OLFM2: variants seen among roughly 807,000 people sequenced by gnomAD.
OLFM2 encodes olfactomedin 2.
In OLFM2, 20 loss-of-function variants were observed where a neutral mutation model predicts 43.9. The ratio of observed to expected loss-of-function variants is 0.46; its 90% confidence interval spans 0.32 to 0.66. OLFM2 has a LOEUF of 0.66. OLFM2 is among the 30% of genes least tolerant of loss of function. OLFM2 has a pLI of 0.04. For missense variants in OLFM2, 416 were observed against 643.6 expected, an observed-to-expected ratio of 0.65 and a Z score of 3.83; for synonymous variants, 268 against 278.6, an observed-to-expected ratio of 0.96 and a Z score of 0.38.
At chr19:9,870,826 T>C (rs547736746) in intron 1 of OLFM2, among the ~76,000 whole-genome samples, 1 of 152,154 alleles carries the variant, frequency 6.6e-6, no homozygotes, top group Non-Finnish European at 1.5e-5. Flanking sequence ...TGAGCTGAGA[T>C]TGCACCATTG....
intron 1 of OLFM2, among the ~76,000 whole-genome samples, chr19:9,914,696 C>A (rs2046861034): frequency 6.6e-6 from 1 of 152,062 alleles, no homozygotes; most frequent in Non-Finnish European, 1.5e-5. Flanking sequence ...CTCGGGGGAG[C>A]GGGAAGCGCA....
chr19:9,857,909 C>T lies in OLFM2; in HGVS notation c.214-48G>A, dbSNP rs1473066453. 1 of 1,612,120 alleles carries T rather than the reference C, an allele frequency of 6.2e-7. No homozygotes were observed. On this transcript the variant is annotated intron_variant, in intron 2 of 5. Transcript: ENST00000264833. The surrounding 1 kb of genome is among the most constrained non-coding windows in gnomAD (Gnocchi z 5.7). The stretch of plus-strand genomic sequence containing the variant: ...GGACCAGACCTCCTTCCCCAAATCC[C>T]AACCCAGAGATGCCACAGACAAGAG...
Position 9,936,451 on chromosome 19 carries a change from C to G in OLFM2, c.-85G>C, listed in dbSNP as rs1331442299. ...GACCGCCACCAGGCGCGACCCCGCC[C>G]GCCCGGCCGGGGCGACCCTGCGCCG... On this transcript the variant is annotated 5_prime_UTR_variant, in exon 1 of 6. Coordinates refer to ENST00000264833, the MANE Select transcript of OLFM2 (RefSeq NM_058164.4). The G allele has an allele frequency of 6.0e-6, 6 of 1,002,348 alleles. No homozygotes were observed. Among genetic ancestry groups the G allele is most frequent in the Non-Finnish European group, 4.8e-6 (4 of 836,312 alleles). The allele number at this position is 1,002,348 out of a possible 1,614,324, so 62.1% of individuals were successfully genotyped here. A position where few individuals can be genotyped will look rare whatever the true frequency, so the allele number is the denominator to read the frequency against.
rs530155234 is a variant in OLFM2, at chr19:9,917,126, T to G, written c.63+19178A>C. ...CAGGACCTTTGAACTTCCTGTTCCT[T>G]CTACACAAAATACATCAAGGATGCC... On this transcript the variant is annotated intron_variant, in intron 1 of 5. Coordinates refer to ENST00000264833, the MANE Select transcript of OLFM2 (RefSeq NM_058164.4). Among the ~76,000 whole-genome samples the G allele has an allele frequency of 8.6e-4, 131 of 152,276 alleles. 1 individual carries two copies. Among genetic ancestry groups the G allele is most frequent in the African/African-American group, 3.0e-3 (123 of 41,574 alleles).
intron 1 of OLFM2, among the ~76,000 whole-genome samples, chr19:9,930,411 C>T (rs933387946): frequency 6.6e-6 from 1 of 152,120 alleles, no homozygotes; most frequent in Non-Finnish European, 1.5e-5. Flanking sequence ...TGTACTATAG[C>T]TGAACTCTGT....
At chr19:9,933,314 G>A (rs183823644) in intron 1 of OLFM2, among the ~76,000 whole-genome samples, 1 of 152,182 alleles carries the variant, frequency 6.6e-6, no homozygotes, top group African/African-American at 2.4e-5. Flanking sequence ...TTGGCTCACT[G>A]GAACCTCTGC....
intron 1 of OLFM2, chr19:9,913,715 G>A: frequency 9.4e-7 from 1 of 1,065,612 alleles, no homozygotes; most frequent in Non-Finnish European, 1.1e-6. Context: ...GCCCCGGGGG[G>A]GCGTGGGGGA....
intron 1 of OLFM2, among the ~76,000 whole-genome samples, chr19:9,901,149 A>T (rs2144977553): frequency 6.6e-6 from 1 of 150,466 alleles, no homozygotes; most frequent in South Asian, 2.1e-4. Context: ...AGAAAGAAGG[A>T]AAGAAAAAGA....
At chr19:9,864,426 G>A (rs1179370082) in intron 1 of OLFM2, among the ~76,000 whole-genome samples, 3 of 151,690 alleles carry the variant, frequency 2.0e-5, no homozygotes, top group South Asian at 2.1e-4. Context: ...TCAGCCTCCC[G>A]AGTAGCTAGG....
At chr19:9,926,505 T>G (rs7260243) in intron 1 of OLFM2, among the ~76,000 whole-genome samples, 11,971 of 152,050 alleles carry the variant, frequency 0.079, 1,505 homozygotes, top group African/African-American at 0.27. Context: ...TGAGCTGAGA[T>G]CGCGCCACTG....
intron 1 of OLFM2, among the ~76,000 whole-genome samples, chr19:9,901,032 AAGCGGGGAGGGAG>A (rs2046732335): frequency 2.4e-5 from 1 of 42,118 alleles, no homozygotes; most frequent in African/African-American, 1.1e-4. Context: ...GGAGGGAAGG[AAGCGGGGAGGGAG>A]GGAAGGGAGG....
intron 1 of OLFM2, chr19:9,913,638 C>T: frequency 1.6e-6 from 2 of 1,255,430 alleles, no homozygotes; most frequent in Non-Finnish European, 2.0e-6. Context: ...CCTCATGCCC[C>T]GCGGCCGCCC....
chr19:9,906,314 G>A (rs2046785722), intron 1 of OLFM2, among the ~76,000 whole-genome samples: 1 of 152,106 alleles, frequency 6.6e-6, no homozygotes, highest in South Asian at 2.1e-4. Context: ...TGGGGGAGAG[G>A]GCAGGGGAAG....
At chr19:9,918,867 G>C (rs2086401868) in intron 1 of OLFM2, among the ~76,000 whole-genome samples, 1 of 152,168 alleles carries the variant, frequency 6.6e-6, no homozygotes, top group African/African-American at 2.4e-5. Flanking sequence ...GTGGGGGTGG[G>C]AGTGGAGATG....
chr19:9,857,268 T>C lies in OLFM2; in HGVS notation c.575A>G (p.Lys192Arg). 1.2e-6 allele frequency: 2 copies of C among 1,613,874 alleles called. No homozygotes were observed. Among genetic ancestry groups the C allele is most frequent in the Non-Finnish European group, 8.5e-7 (1 of 1,179,992 alleles). Residue 192 changes from lysine (K) to arginine (R), a missense_variant, in exon 4 of 6, where the codon AAG becomes AGG. By Grantham distance (26) the Lys-to-Arg change is conservative (BLOSUM62 2). Transcript: ENST00000264833. This position sits in a 1 kb window ranked among gnomAD's most constrained non-coding sequence, Gnocchi z 5.7. ...GGTCAAGGGCCAAGGCATACCCAGC[T>C]TCTGGGCGCAGGCGTGGAGCCGGGC... ...LEARLHACAQ[K>R]LGCGKLTGVS... is the part of the protein sequence containing the mutation.
chr19:9,898,406 C>T (rs1233875258), intron 1 of OLFM2, among the ~76,000 whole-genome samples: 1 of 151,648 alleles, frequency 6.6e-6, no homozygotes, highest in African/African-American at 2.4e-5. Flanking sequence ...CCTGTAATCC[C>T]AGCTACTTAG....
At chr19:9,910,456 C>T (rs1365764145) in intron 1 of OLFM2, among the ~76,000 whole-genome samples, 1 of 152,116 alleles carries the variant, frequency 6.6e-6, no homozygotes, top group Non-Finnish European at 1.5e-5. Context: ...ACTGGTGGCT[C>T]ATGCCTGTAA....
chr19:9,921,633 C>T (rs933220215), intron 1 of OLFM2, among the ~76,000 whole-genome samples: 4 of 152,004 alleles, frequency 2.6e-5, no homozygotes, highest in Non-Finnish European at 4.4e-5. Context: ...GGACTACAGG[C>T]GCCCGCCACC....
Position 9,857,769 on chromosome 19 carries a change from G to T in OLFM2, c.306C>A (p.Ser102Arg). 1 of 1,614,116 alleles carries T rather than the reference G, an allele frequency of 6.2e-7. No individual in the cohort carries two copies. ...YVRGMETLMR[S>R]LDARLRAADG... Reference sequence around the variant, plus strand: ...CAGCTGCCCGGAGCCGCGCATCCAGGCTCCGCATGAGGGTCTCCATGCCGC... The same window carrying T: ...CAGCTGCCCGGAGCCGCGCATCCAGTCTCCGCATGAGGGTCTCCATGCCGC... Residue 102 changes from serine to arginine, a missense_variant, in exon 3 of 6, where the codon AGC (serine) becomes AGA (arginine). Physicochemically the swap from Ser to Arg is moderately radical, Grantham distance 110. Coordinates refer to ENST00000264833, the MANE Select transcript of OLFM2 (RefSeq NM_058164.4). The surrounding 1 kb of genome is among the most constrained non-coding windows in gnomAD (Gnocchi z 5.7).
Sources: allele counts gnomAD v4.1 joint callset (sites outside exome capture counted in the v4.1 genomes callset), GRCh38; gene constraint gnomAD v4.1.1; non-coding constraint Gnocchi (gnomAD v3.1); transcripts MANE v1.5; gene names NCBI Gene and HGNC (gene_info 2026-07-23, HGNC 2026-07-21).